Variants in CHRM3 observed in about 807,000 individuals in gnomAD.
The protein encoded by CHRM3 is muscarinic acetylcholine receptor M3.
In CHRM3, 11 loss-of-function variants were observed where a neutral mutation model predicts 41.8. The ratio of observed to expected loss-of-function variants is 0.26; its 90% CI spans 0.17 to 0.44. The LOEUF (loss-of-function observed/expected upper bound fraction) is 0.44, where lower values mean the gene tolerates loss of function less well. Among genes scored for constraint, CHRM3 ranks in the 20% least tolerant of loss-of-function variants. The probability of loss-of-function intolerance (pLI) is 1.00; values close to 1 mark genes in which losing one functional copy is unlikely to be tolerated. For missense variants in CHRM3, 571 were observed against 745.4 expected, an observed-to-expected ratio of 0.77 and a Z score of 2.72; for synonymous variants, 297 against 301.4, an observed-to-expected ratio of 0.99 and a Z score of 0.15.
intron 3 of CHRM3, among the ~76,000 whole-genome samples, chr1:239,578,333 C>A (rs2148575071): frequency 6.6e-6 from 1 of 152,282 alleles, no homozygotes; most frequent in Admixed American, 6.5e-5. Flanking sequence ...ACATTCACCA[C>A]ACTATTTACT....
intron 5 of CHRM3, among the ~76,000 whole-genome samples, chr1:239,821,933 G>A (rs1279458668): frequency 6.6e-6 from 1 of 152,148 alleles, no homozygotes; most frequent in Non-Finnish European, 1.5e-5. Flanking sequence ...TAACTGTCCA[G>A]CATTTCCCCT....
intron 2 of CHRM3, among the ~76,000 whole-genome samples, chr1:239,512,787 G>T (rs565083813): frequency 1.2e-4 from 18 of 151,190 alleles, no homozygotes; most frequent in Non-Finnish European, 2.4e-4. Flanking sequence ...CATATTTTGT[G>T]TAGTTTTAAG....
chr1:239,468,536 G>C (rs1665893089), intron 1 of CHRM3, among the ~76,000 whole-genome samples: 1 of 152,102 alleles, frequency 6.6e-6, no homozygotes, highest in Admixed American at 6.5e-5. Context: ...TGCTATTTTA[G>C]GAGGAATTTT....
rs556607371 is a variant in CHRM3, at chr1:239,507,651, A to G, written c.-422+14844A>G. ...ATGGGTTATGTACCTACTGTGTTAT[A>G]TTTTCATTGATATGTTTATGGCCCT... On this transcript the variant is annotated intron_variant, in intron 2 of 6. Coordinates refer to ENST00000676153, the MANE Select transcript of CHRM3 (RefSeq NM_001375978.1). Among the ~76,000 whole-genome samples, 5 of 152,270 alleles carry G rather than the reference A, an allele frequency of 3.3e-5. No individual in the cohort carries two copies. In the East Asian group the frequency reaches 7.7e-4, roughly 23 times the overall value.
chr1:239,646,346 C>G (rs1262789330), intron 4 of CHRM3, among the ~76,000 whole-genome samples: 1 of 152,126 alleles, frequency 6.6e-6, no homozygotes, highest in Non-Finnish European at 1.5e-5. Flanking sequence ...TAATGACAAG[C>G]TATACACGTA....
chr1:239,662,012 A>AT (rs567149148), intron 4 of CHRM3, among the ~76,000 whole-genome samples: 165 of 152,128 alleles, frequency 1.1e-3, no homozygotes, highest in African/African-American at 3.8e-3. Context: ...AAGCCTATTA[A>AT]TTAAAAAAAA....
chr1:239,601,179 C>T (rs1354000126), intron 3 of CHRM3, among the ~76,000 whole-genome samples: 2 of 152,114 alleles, frequency 1.3e-5, no homozygotes, highest in Admixed American at 6.6e-5. Context: ...TCATTTCAGC[C>T]AGTTCCATTC....
intron 5 of CHRM3, among the ~76,000 whole-genome samples, chr1:239,800,371 T>C (rs1670114068): frequency 6.6e-6 from 1 of 152,324 alleles, no homozygotes; most frequent in South Asian, 2.1e-4. Flanking sequence ...CATCATCTCT[T>C]TGTTCCTCAC....
intron 5 of CHRM3, among the ~76,000 whole-genome samples, chr1:239,816,020 A>G (rs1671551837): frequency 6.6e-6 from 1 of 151,714 alleles, no homozygotes; most frequent in East Asian, 1.9e-4. Flanking sequence ...TTCTTTTGCT[A>G]AAACTTTCTC....
rs532695668 is a variant in CHRM3 at position 239,439,988 on chromosome 1, A to G, written c.-520-52721A>G. 1.5e-3 allele frequency among the ~76,000 whole-genome samples: 234 copies of G among 151,148 alleles called. 1 individual carries two copies. The highest frequency in any genetic ancestry group is 5.4e-3 in the African/African-American group (224 of 41,196). The stretch of plus-strand genomic sequence containing the variant: ...GCTGAGGCAGGCGGATCACGAGGTT[A>G]GGAGTTCGAGACTAGCCTGACCAAC... On this transcript the variant is annotated intron_variant, in intron 1 of 6. Coordinates refer to ENST00000676153, the MANE Select transcript of CHRM3 (RefSeq NM_001375978.1).
At chr1:239,519,085 C>T (rs1669458415) in intron 2 of CHRM3, among the ~76,000 whole-genome samples, 1 of 152,078 alleles carries the variant, frequency 6.6e-6, no homozygotes, top group Admixed American at 6.6e-5. Context: ...TGGATTACTG[C>T]TATCTAATAA....
chr1:239,585,649 G>A (rs1899617), intron 3 of CHRM3, among the ~76,000 whole-genome samples: 139,684 of 152,218 alleles, frequency 0.92, 64,711 homozygotes, highest in East Asian at 1. Flanking sequence ...TGCTTGGCAG[G>A]TATACTACTA....
intron 5 of CHRM3, among the ~76,000 whole-genome samples, chr1:239,747,781 C>A (rs940729291): frequency 6.6e-6 from 1 of 152,100 alleles, no homozygotes; most frequent in Non-Finnish European, 1.5e-5. Flanking sequence ...CCTGCAATAC[C>A]AGCATTTTGG....
rs112696509 is a variant in CHRM3, at chr1:239,611,566, A to C, written c.-312-20658A>C. ...CTCCTAAGTAGCTGGGATTACAGGC[A>C]TGCGTCACCATGCCCGGCTAACTTT... is the stretch of plus-strand genomic sequence containing the variant. On this transcript the variant is annotated intron_variant, in intron 3 of 6. Coordinates refer to ENST00000676153, the MANE Select transcript of CHRM3 (RefSeq NM_001375978.1). 8.9e-3 allele frequency among the ~76,000 whole-genome samples: 1,351 copies of C among 151,992 alleles called. 23 individuals carry two copies. The highest frequency in any genetic ancestry group is 0.031 in the African/African-American group (1,290 of 41,478).
rs201656302 is a variant in CHRM3, at chr1:239,908,293, T to C, written c.842T>C (p.Val281Ala). 1.4e-5 allele frequency: 23 copies of C among 1,614,078 alleles called. No homozygotes were observed. The highest frequency in any genetic ancestry group is 1.4e-5 in the Non-Finnish European group (17 of 1,180,012). The change falls in exon 7 of 7, where the codon GTC becomes GCC. Residue 281 changes from valine (V) to alanine (A), a missense_variant. Val to Ala is a moderately conservative substitution (Grantham distance 64). Around this residue, in one of 5 missense-constraint regions of CHRM3, gnomAD observed 153 missense variants for 296.3 expected, o/e 0.52. Transcript: ENST00000676153. This position sits in a 1 kb window ranked among gnomAD's most constrained non-coding sequence, Gnocchi z 7.2. ...SGTEAETENF[V>A]HPTGSSRSCS... ...ACAGAGGCAGAGACAGAAAACTTTGTCCACCCCACGGGCAGTTCTCGAAGC... is the reference window on the plus strand; with the variant it reads ...ACAGAGGCAGAGACAGAAAACTTTGCCCACCCCACGGGCAGTTCTCGAAGC...
At chr1:239,623,332 A>C (rs926520130) in intron 3 of CHRM3, among the ~76,000 whole-genome samples, 4 of 139,200 alleles carry the variant, frequency 2.9e-5, no homozygotes, top group African/African-American at 1.1e-4. Flanking sequence ...CTCATTGTTC[A>C]GTTCCCACCT....
intron 3 of CHRM3, among the ~76,000 whole-genome samples, chr1:239,627,535 TC>T (rs1474737096): frequency 2.9e-4 from 33 of 113,938 alleles, no homozygotes; most frequent in Non-Finnish European, 3.3e-4. Flanking sequence ...GTGAATTTGA[TC>T]CTGTCATTAT....
At chr1:239,733,557 T>C (rs1353778455) in intron 5 of CHRM3, among the ~76,000 whole-genome samples, 1 of 152,058 alleles carries the variant, frequency 6.6e-6, no homozygotes, top group Non-Finnish European at 1.5e-5. Context: ...TATTAGTAAG[T>C]GTTTATTTTG....
chr1:239,885,642 G>A (rs537001759), intron 6 of CHRM3, among the ~76,000 whole-genome samples: 6 of 152,166 alleles, frequency 3.9e-5, no homozygotes, highest in African/African-American at 1.2e-4. Context: ...GTACTTCAGC[G>A]ACGCATTCAT....
Sources: gnomAD v4.1 joint callset for allele counts (sites outside exome capture counted in the v4.1 genomes callset) on GRCh38, gnomAD v4.1.1 for gene constraint, gnomAD v4.1.1 regional missense constraint, Gnocchi (gnomAD v3.1) non-coding constraint, MANE v1.5 for transcripts, NCBI Gene and HGNC (gene_info 2026-07-23, HGNC 2026-07-21) for gene names.